The following NCKAP5 variants were observed in gnomAD, a reference collection of about 807,000 sequenced individuals.
NCKAP5 encodes the protein NCK associated protein 5, also known as nck-associated protein 5.
NCKAP5 carries 92 observed loss-of-function variants against 167.0 expected under a neutral mutation model. The ratio of observed to expected loss-of-function variants is 0.55; its 90% CI spans 0.47 to 0.66. The LOEUF (loss-of-function observed/expected upper bound fraction) is 0.66. Among genes scored for constraint, NCKAP5 ranks in the 30% least tolerant of loss-of-function variants. The pLI, the probability that NCKAP5 is intolerant of heterozygous loss-of-function variation, is 0.00. For missense variants in NCKAP5, 2,378 were observed against 2,315.0 expected (o/e 1.03, Z -0.56); for synonymous variants, 891 against 877.4 (o/e 1.02, Z -0.27).
intron 4 of NCKAP5, among the ~76,000 whole-genome samples, chr2:133,254,970 G>A (rs946770335): frequency 1.3e-5 from 2 of 152,006 alleles, no homozygotes; most frequent in Non-Finnish European, 2.9e-5. Context: ...CCTGGAACTT[G>A]AATTCAACTT....
chr2:132,840,230 T>C (rs746192495), intron 11 of NCKAP5, among the ~76,000 whole-genome samples: 2 of 151,640 alleles, frequency 1.3e-5, no homozygotes, highest in Non-Finnish European at 2.9e-5. Context: ...AGTAAAAAGA[T>C]TGGAGAGATG....
rs567892027 is a variant in NCKAP5 at position 132,704,241 on chromosome 2, A to G, written c.5713+21386T>C. 1.3e-5 allele frequency among the ~76,000 whole-genome samples: 2 copies of G among 152,222 alleles called. 1 individual carries two copies. Among genetic ancestry groups the G allele is most frequent in the South Asian group, 4.1e-4 (2 of 4,820 alleles). ...TTTTGTATCACTGAGCCCAGAGGTG[A>G]AGTAGGTATCCGTCTTTCCTACTTC... On this transcript the variant is annotated intron_variant, in intron 19 of 19. Coordinates refer to ENST00000409261, the MANE Select transcript of NCKAP5 (RefSeq NM_207363.3).
At chr2:132,689,166 G>A (rs181075010) in intron 19 of NCKAP5, among the ~76,000 whole-genome samples, 2 of 152,036 alleles carry the variant, frequency 1.3e-5, no homozygotes, top group African/African-American at 4.8e-5. Flanking sequence ...TAACATGTGG[G>A]TGAATACAAC....
At chr2:132,831,322 G>T (rs1299602990) in intron 11 of NCKAP5, among the ~76,000 whole-genome samples, 1 of 152,254 alleles carries the variant, frequency 6.6e-6, no homozygotes, top group Non-Finnish European at 1.5e-5. Context: ...TCAAGAACTG[G>T]CATTTCTGGG....
At chr2:133,068,985 G>A (rs1416577305) in intron 6 of NCKAP5, among the ~76,000 whole-genome samples, 1 of 152,202 alleles carries the variant, frequency 6.6e-6, no homozygotes, top group Non-Finnish European at 1.5e-5. Context: ...AGGAATTTAT[G>A]ATTCTGGATT....
intron 2 of NCKAP5, among the ~76,000 whole-genome samples, chr2:133,519,178 G>A (rs1364886518): frequency 1.3e-5 from 2 of 152,146 alleles, no homozygotes; most frequent in Non-Finnish European, 2.9e-5. Context: ...TCAATCATGA[G>A]AAACTGATGG....
At chr2:132,891,415 T>TC (rs1167003923) in intron 8 of NCKAP5, among the ~76,000 whole-genome samples, 2 of 152,172 alleles carry the variant, frequency 1.3e-5, no homozygotes, top group Admixed American at 1.3e-4. Context: ...ACCTCCTTCT[T>TC]CCCCCATGCT....
chr2:133,164,157 A>T (rs1357253461), intron 5 of NCKAP5, among the ~76,000 whole-genome samples: 1 of 152,206 alleles, frequency 6.6e-6, no homozygotes, highest in African/African-American at 2.4e-5. Flanking sequence ...CAAGCACAGG[A>T]TATTTTTTCA....
chr2:132,762,943 C>A lies in NCKAP5; in HGVS notation c.5128+10873G>T, dbSNP rs184096002. 5.3e-5 allele frequency among the ~76,000 whole-genome samples: 8 copies of A among 152,194 alleles called. No individual in the cohort carries two copies. The East Asian group carries it at 1.4e-3, about 26-fold the overall frequency. ...ATATTCTGGTAGGCTGGTATGAGAG[C>A]TTTTTTTGGTAGGGAGTCCTTTGGC... On this transcript the variant is annotated intron_variant, in intron 16 of 19. Coordinates refer to ENST00000409261, the MANE Select transcript of NCKAP5 (RefSeq NM_207363.3).
chr2:132,790,291 TAC>T (rs1180673041), intron 12 of NCKAP5, 86 bp from the exon 13 acceptor site: 6 of 1,200,552 alleles, frequency 5.0e-6, no homozygotes, highest in Non-Finnish European at 7.0e-6. Flanking sequence ...TAGATGGGAA[TAC>T]AGATGCTCCT....
At chr2:133,516,108 G>A (rs148630919) in intron 3 of NCKAP5, among the ~76,000 whole-genome samples, 30 of 152,292 alleles carry the variant, frequency 2.0e-4, no homozygotes, top group Admixed American at 4.6e-4. Flanking sequence ...ATACCCTACG[G>A]CTGTCTCTGT....
chr2:133,657,939 G>A, the NCKAP5 span, among the ~76,000 whole-genome samples: 700 of 152,196 alleles, frequency 4.6e-3, 3 homozygotes, highest in Non-Finnish European at 6.5e-3. Context: ...CCAAAACTCC[G>A]CAAGATTTTG....
At chr2:133,143,025 A>G (rs2083056947) in intron 5 of NCKAP5, among the ~76,000 whole-genome samples, 1 of 152,106 alleles carries the variant, frequency 6.6e-6, no homozygotes, top group Non-Finnish European at 1.5e-5. Flanking sequence ...TCCTTTTTAT[A>G]TTAGTGTCTT....
chr2:133,594,918 C>T, the NCKAP5 span, among the ~76,000 whole-genome samples: 2 of 152,100 alleles, frequency 1.3e-5, no homozygotes, highest in African/African-American at 2.4e-5. Flanking sequence ...CAAACACACA[C>T]TGAGCGTTTT....
At chr2:133,402,801 T>C (rs980644555) in intron 3 of NCKAP5, among the ~76,000 whole-genome samples, 5 of 152,150 alleles carry the variant, frequency 3.3e-5, no homozygotes, top group Non-Finnish European at 5.9e-5. Flanking sequence ...ATGCTTCCTG[T>C]ACAGCCCGCA....
chr2:133,583,758 T>C, the NCKAP5 span, among the ~76,000 whole-genome samples: 2 of 152,270 alleles, frequency 1.3e-5, no homozygotes, highest in Admixed American at 1.3e-4. Context: ...TAAACCTTTT[T>C]TTTTTCTTGT....
chr2:132,938,817 T>C (rs1049602897), intron 8 of NCKAP5, among the ~76,000 whole-genome samples: 2 of 152,108 alleles, frequency 1.3e-5, no homozygotes, highest in Admixed American at 6.6e-5. Context: ...CTCACTGATA[T>C]AGGGGTGTCT....
At chr2:133,185,907 A>C (rs975455403) in intron 5 of NCKAP5, among the ~76,000 whole-genome samples, 1 of 152,094 alleles carries the variant, frequency 6.6e-6, no homozygotes, top group Non-Finnish European at 1.5e-5. Flanking sequence ...GTCAGTGAAG[A>C]GAGATAGTTT....
At chr2:132,787,322 C>A (rs72847215) in intron 13 of NCKAP5, among the ~76,000 whole-genome samples, 27,039 of 146,676 alleles carry the variant, frequency 0.18, 2,969 homozygotes, top group East Asian at 0.3. Context: ...CACTCCCTCC[C>A]AGGTGACAGA....
Sources: allele counts gnomAD v4.1 joint callset (sites outside exome capture counted in the v4.1 genomes callset), GRCh38; gene constraint gnomAD v4.1.1; transcripts MANE v1.5; gene names NCBI Gene and HGNC (gene_info 2026-07-23, HGNC 2026-07-21).